Variants in ZNF536 observed in about 807,000 individuals in gnomAD.
The protein encoded by ZNF536 is zinc finger protein 536.
Under a neutral mutation model 84.5 loss-of-function variants are expected in ZNF536, and 13 were observed. That is an observed-to-expected ratio of 0.15 (90% confidence interval 0.10 to 0.24). The LOEUF is 0.24. Ranked by LOEUF, ZNF536 falls within the 10% of genes least tolerant of loss-of-function variation. The probability of loss-of-function intolerance (pLI) is 1.00; values close to 1 mark genes in which losing one functional copy is unlikely to be tolerated. For synonymous variants in ZNF536, 811 were observed against 742.5 expected, an observed-to-expected ratio of 1.09 and a Z score of -1.50; for missense variants, 1,536 against 1,747.5, an observed-to-expected ratio of 0.88 and a Z score of 2.16.
At chr19:30,659,298 G>C (rs1489656930) in intron 1 of ZNF536, among the ~76,000 whole-genome samples, 1 of 151,858 alleles carries the variant, frequency 6.6e-6, no homozygotes, top group Non-Finnish European at 1.5e-5. Flanking sequence ...CAGGGCAGGA[G>C]GAAAGGAGGG....
intron 1 of ZNF536, among the ~76,000 whole-genome samples, chr19:30,621,137 A>G (rs975891905): frequency 2.0e-5 from 3 of 152,082 alleles, no homozygotes; most frequent in Non-Finnish European, 2.9e-5. Context: ...GAAGAACAGC[A>G]TCTAACATAC....
intron 1 of ZNF536, among the ~76,000 whole-genome samples, chr19:30,274,650 T>C (rs2026029035): frequency 6.6e-6 from 1 of 152,224 alleles, no homozygotes; most frequent in African/African-American, 2.4e-5. Context: ...ATGGGCTGGC[T>C]TGTTACATGG....
chr19:30,498,251 T>A (rs892188648), intron 2 of ZNF536, among the ~76,000 whole-genome samples: 1 of 152,180 alleles, frequency 6.6e-6, no homozygotes, highest in Non-Finnish European at 1.5e-5. Flanking sequence ...TGGAATACTA[T>A]GCAGCCATAA....
chr19:30,330,335 G>C (rs929092981), intron 2 of ZNF536, among the ~76,000 whole-genome samples: 14 of 152,178 alleles, frequency 9.2e-5, no homozygotes, highest in Non-Finnish European at 2.9e-5. Context: ...ACTCACTCTT[G>C]AGTGGTCAGT....
chr19:30,615,819 T>G (rs1389146597), intron 1 of ZNF536, among the ~76,000 whole-genome samples: 1 of 152,144 alleles, frequency 6.6e-6, no homozygotes, highest in Non-Finnish European at 1.5e-5. Context: ...TGTTCCTTAT[T>G]TAGCCCCTAA....
At chr19:30,600,068 G>T (rs1350247246) in intron 1 of ZNF536, among the ~76,000 whole-genome samples, 3 of 150,576 alleles carry the variant, frequency 2.0e-5, no homozygotes, top group African/African-American at 7.3e-5. Flanking sequence ...TGTTGTTGTT[G>T]TTTTTTGTTT....
intron 1 of ZNF536, among the ~76,000 whole-genome samples, chr19:30,373,270 G>T (rs1158814501): frequency 6.6e-6 from 1 of 152,014 alleles, no homozygotes; most frequent in East Asian, 1.9e-4. Context: ...TGAATCCCTT[G>T]TCCAGCCTGG....
chr19:30,578,470 C>T (rs1475691573), intron 1 of ZNF536, among the ~76,000 whole-genome samples: 2 of 152,216 alleles, frequency 1.3e-5, no homozygotes, highest in African/African-American at 4.8e-5. Flanking sequence ...TTTCGGTTGT[C>T]ATGCTGGACA....
At chr19:30,339,019 C>T (rs776668617) in intron 2 of ZNF536, among the ~76,000 whole-genome samples, 1 of 152,132 alleles carries the variant, frequency 6.6e-6, no homozygotes, top group South Asian at 2.1e-4. Flanking sequence ...CCTCTTCCTT[C>T]CCTCCCCCGG....
intron 2 of ZNF536, among the ~76,000 whole-genome samples, chr19:30,308,240 A>G (rs1201506862): frequency 6.6e-6 from 1 of 152,164 alleles, no homozygotes; most frequent in East Asian, 1.9e-4. Context: ...AGCTTGGTGC[A>G]TAAAGGGTAA....
rs759160204 is a variant in ZNF536, at chr19:30,443,627, G to A, written c.65G>A (p.Ser22Asn). The change falls in exon 2 of 5, where the codon AGT becomes AAT. Residue 22 changes from serine to asparagine, a missense_variant. Transcript: ENST00000355537. ...SAEPEAEPHL[S>N]GPVLNGQYAM... Reference sequence around the variant, plus strand: ...GAGCCGGAAGCTGAGCCCCACCTGAGTGGCCCCGTCCTCAACGGCCAGTAT... The same window carrying A: ...GAGCCGGAAGCTGAGCCCCACCTGAATGGCCCCGTCCTCAACGGCCAGTAT... 1 of 1,607,662 alleles carries A rather than the reference G, an allele frequency of 6.2e-7. No individual in the cohort carries two copies. Among genetic ancestry groups the A allele is most frequent in the Non-Finnish European group, 8.5e-7 (1 of 1,177,318 alleles).
intron 1 of ZNF536, among the ~76,000 whole-genome samples, chr19:30,639,303 C>T (rs1290755197): frequency 2.6e-5 from 4 of 152,148 alleles, no homozygotes; most frequent in African/African-American, 4.8e-5. Flanking sequence ...TTTTTAAGAA[C>T]GTATTTTGTT....
Position 30,553,282 on chromosome 19 carries a change from G to C in ZNF536, c.3895+3768G>C, listed in dbSNP as rs1283150597. On this transcript the variant is annotated intron_variant, in intron 4 of 4. Transcript: ENST00000355537. ...TCTGAGAAATGCTAATGCACTGTTG[G>C]GTCGGCACTTGGCTGGGAAGGGGCA... 7.2e-5 allele frequency among the ~76,000 whole-genome samples: 11 copies of C among 152,332 alleles called. No homozygotes were observed. The South Asian group carries it at 2.1e-3, about 29-fold the overall frequency.
intron 1 of ZNF536, among the ~76,000 whole-genome samples, chr19:30,623,023 T>G (rs1277276261): frequency 3.3e-5 from 5 of 149,810 alleles, no homozygotes; most frequent in Non-Finnish European, 5.9e-5. Flanking sequence ...ATCTTGTGTT[T>G]TTTTTTTTGT....
intron 1 of ZNF536, among the ~76,000 whole-genome samples, chr19:30,418,168 T>A (rs2147809065): frequency 6.6e-6 from 1 of 152,244 alleles, no homozygotes; most frequent in Non-Finnish European, 1.5e-5. Flanking sequence ...TCTATCAAAA[T>A]GATCATGTAG....
At chr19:30,523,673 T>A (rs1008777944) in intron 2 of ZNF536, among the ~76,000 whole-genome samples, 1 of 152,122 alleles carries the variant, frequency 6.6e-6, no homozygotes, top group East Asian at 1.9e-4. Flanking sequence ...TGTGGAACTC[T>A]TTTCATACTC....
intron 2 of ZNF536, among the ~76,000 whole-genome samples, chr19:30,345,799 T>A (rs2047722685): frequency 6.6e-6 from 1 of 152,078 alleles, no homozygotes. Context: ...TCCAGTGTCA[T>A]CCCGGGGACT....
chr19:30,483,480 C>T (rs2054170290), intron 2 of ZNF536, among the ~76,000 whole-genome samples: 1 of 147,198 alleles, frequency 6.8e-6, no homozygotes, highest in South Asian at 2.3e-4. Context: ...GACCCCACCC[C>T]ACCCCACCCC....
intron 1 of ZNF536, among the ~76,000 whole-genome samples, chr19:30,437,657 C>T (rs2051813253): frequency 6.6e-6 from 1 of 151,684 alleles, no homozygotes; most frequent in Non-Finnish European, 1.5e-5. Context: ...GAGTTGAGTC[C>T]CCAAGGTGCC....
Sources: gnomAD v4.1 joint callset for allele counts (sites outside exome capture counted in the v4.1 genomes callset) on GRCh38, gnomAD v4.1.1 for gene constraint, MANE v1.5 for transcripts, NCBI Gene and HGNC (gene_info 2026-07-23, HGNC 2026-07-21) for gene names.